The following RBM19 variants were observed in gnomAD, a reference collection of about 807,000 sequenced individuals.
RBM19 encodes RNA binding motif protein 19.
In RBM19, 94 loss-of-function variants were observed where a neutral mutation model predicts 116.8. The ratio of observed to expected loss-of-function variants is 0.80; its 90% CI spans 0.68 to 0.95. The LOEUF is 0.95. RBM19 is among the 40% of genes least tolerant of loss of function. RBM19 has a pLI of 0.00. For missense variants in RBM19, 1,161 were observed against 1,220.7 expected (o/e 0.95, Z 0.73); for synonymous variants, 475 against 494.1 (o/e 0.96, Z 0.51).
At chr12:113,952,664 A>C in intron 7 of RBM19, 74 bp from the exon 8 acceptor site, 1 of 1,202,012 alleles carries the variant, frequency 8.3e-7, no homozygotes, top group Non-Finnish European at 1.2e-6. Flanking sequence ...CATGGGGCAA[A>C]TTTCTAAATC....
chr12:113,945,801 A>C, intron 13 of RBM19, 27 bp downstream of exon 13: 3 of 1,512,618 alleles, frequency 2.0e-6, no homozygotes, highest in Non-Finnish European at 2.8e-6. Flanking sequence ...CCCAGATCCC[A>C]GAGAGGACTG....
chr12:113,945,775 C>T, intron 13 of RBM19, 53 bp downstream of exon 13: 2 of 1,432,760 alleles, frequency 1.4e-6, no homozygotes, highest in Non-Finnish European at 1.9e-6. Context: ...CCTGCTCTTT[C>T]TCCCCTTCAG....
chr12:113,860,914 C>G (rs1312099577), intron 21 of RBM19, among the ~76,000 whole-genome samples: 1 of 152,174 alleles, frequency 6.6e-6, no homozygotes, highest in Non-Finnish European at 1.5e-5. Context: ...AATAAACAAG[C>G]AAATGGTAGC....
At position 113,861,513 on chromosome 12, in the gene RBM19, T is replaced by TGTGTGTGTGTGTGA. The variant is rs1320114571; in HGVS notation, c.2559-2618_2559-2617insTCACACACACACAC. ...GTGTGTGTGTGTGTGTGTGTGTGTG[T>TGTGTGTGTGTGTGA]GAAGGAGAGAAGGGGTCGGGGGGTG... On this transcript the variant is annotated intron_variant, in intron 21 of 23. Coordinates refer to ENST00000261741, the MANE Select transcript of RBM19 (RefSeq NM_016196.4). 2.8e-4 allele frequency among the ~76,000 whole-genome samples: 40 copies of TGTGTGTGTGTGTGA among 143,876 alleles called. 1 individual carries two copies. The East Asian group carries it at 6.6e-3, about 24-fold the overall frequency. 94.4% of individuals were successfully genotyped at this position (143,876 alleles called of 152,430 possible). A position where few individuals can be genotyped will look rare whatever the true frequency, so the allele number is the denominator to read the frequency against.
At position 113,898,172 on chromosome 12, in the gene RBM19, C is replaced by A. The variant is rs1471022593; in HGVS notation, c.2558+16797G>T. On this transcript the variant is annotated intron_variant, in intron 21 of 23. Transcript: ENST00000261741. The surrounding 1 kb of genome is among the most constrained non-coding windows in gnomAD (Gnocchi z 4.3). ...CTGCTGCCTCTCGGATACATTTGGGCATATATACCTGTGCATGTGTGTTGA... is the reference window on the plus strand; with the variant it reads ...CTGCTGCCTCTCGGATACATTTGGGAATATATACCTGTGCATGTGTGTTGA... Among the ~76,000 whole-genome samples, 2 of 150,106 alleles carry A rather than the reference C, an allele frequency of 1.3e-5. No homozygotes were observed. Among genetic ancestry groups the A allele is most frequent in the Non-Finnish European group, 1.5e-5 (1 of 67,634 alleles).
intron 1 of RBM19, among the ~76,000 whole-genome samples, chr12:113,962,877 G>T (rs1030539863): frequency 1.3e-5 from 2 of 152,190 alleles, no homozygotes; most frequent in African/African-American, 2.4e-5. Flanking sequence ...AGGCAAAAGG[G>T]ACTTGTCAGG....
At chr12:113,875,617 A>G (rs1014953296) in intron 21 of RBM19, among the ~76,000 whole-genome samples, 9 of 152,194 alleles carry the variant, frequency 5.9e-5, no homozygotes, top group Non-Finnish European at 1.3e-4. Flanking sequence ...TTTTCTTAAT[A>G]AGAAACCCAG....
At chr12:113,900,341 C>G (rs1014202960) in intron 21 of RBM19, among the ~76,000 whole-genome samples, 1 of 152,184 alleles carries the variant, frequency 6.6e-6, no homozygotes, top group South Asian at 2.1e-4. Context: ...TAGTCAAGTA[C>G]GTGCAGCTGT....
intron 6 of RBM19, among the ~76,000 whole-genome samples, chr12:113,956,020 G>C (rs921164286): frequency 6.6e-6 from 1 of 152,270 alleles, no homozygotes; most frequent in African/African-American, 2.4e-5. Flanking sequence ...GCTACCATGA[G>C]TGCCTTTTTG....
At chr12:113,930,513 A>G (rs1869510624) in intron 16 of RBM19, among the ~76,000 whole-genome samples, 1 of 152,222 alleles carries the variant, frequency 6.6e-6, no homozygotes, top group Non-Finnish European at 1.5e-5. Context: ...CAGCCCAGGA[A>G]GAACAAGAGG....
intron 23 of RBM19, among the ~76,000 whole-genome samples, chr12:113,832,437 A>G (rs1875508406): frequency 6.6e-6 from 1 of 151,872 alleles, no homozygotes; most frequent in South Asian, 2.1e-4. Flanking sequence ...TGATCCACCC[A>G]CCTTGGCCTC....
intron 23 of RBM19, among the ~76,000 whole-genome samples, chr12:113,833,447 T>G (rs1875610743): frequency 6.6e-6 from 1 of 152,216 alleles, no homozygotes; most frequent in Non-Finnish European, 1.5e-5. Context: ...CTTCAAATCT[T>G]CTGGGAGCTT....
chr12:113,908,573 C>CAAAAAAAAAAAAAAAAA (rs11338829), intron 21 of RBM19, among the ~76,000 whole-genome samples: 15 of 33,224 alleles, frequency 4.5e-4, no homozygotes, highest in Non-Finnish European at 7.5e-4. Context: ...AAGAAAATAG[C>CAAAAAAAAAAAAAAAAA]AAAAAAAAAA....
In RBM19 at chr12:113,858,799, C is replaced by G. The variant is rs763813487; in HGVS notation, c.2656G>C (p.Asp886His). The G allele has an allele frequency of 2.2e-5, 36 of 1,613,862 alleles. No homozygotes were observed. Among genetic ancestry groups the G allele is most frequent in the Non-Finnish European group, 3.1e-5 (36 of 1,179,928 alleles). The change falls in exon 22 of 24, where the codon GAT (aspartate) becomes CAT (histidine). Residue 886 changes from aspartate (D) to histidine (H), a missense_variant. Physicochemically the swap from Asp to His is moderately conservative, Grantham distance 81 (BLOSUM62 -1). Transcript: ENST00000261741. ...FGFVDFLTKQDAKRAFNALCH... is the reference protein window; with the variant it reads ...FGFVDFLTKQHAKRAFNALCH... ...GGGATTCACGGTCTCACCTTCGCAT[C>G]CTGCTTGGTGAGGAAGTCCACAAAG...
At position 113,957,337 on chromosome 12, in the gene RBM19, A is replaced by C. The variant is rs189662918; in HGVS notation, c.840+445T>G. 2.6e-3 allele frequency among the ~76,000 whole-genome samples: 400 copies of C among 152,294 alleles called. 2 individuals are homozygous for C. The highest frequency in any genetic ancestry group is 0.014 in the Middle Eastern group (4 of 294). On this transcript the variant is annotated intron_variant, in intron 6 of 23. Transcript: ENST00000261741. ...ATGCCTATAATCCCAGCACTTTGGG[A>C]GGCTGAGATGAGTGGATCACTTGAG...
At chr12:113,890,707 G>A (rs1347184816) in intron 21 of RBM19, among the ~76,000 whole-genome samples, 3 of 152,350 alleles carry the variant, frequency 2.0e-5, no homozygotes, top group Admixed American at 1.3e-4. Context: ...AGGCAGGGGT[G>A]TCCCACAGAA....
chr12:113,937,232 G>C, intron 15 of RBM19, 96 bp from the exon 16 acceptor site: 1 of 1,453,262 alleles, frequency 6.9e-7, no homozygotes. Flanking sequence ...AAGGGTCACA[G>C]AGGATGGGCA....
intron 21 of RBM19, among the ~76,000 whole-genome samples, chr12:113,865,977 A>G (rs773748616): frequency 6.6e-6 from 1 of 152,152 alleles, no homozygotes; most frequent in Non-Finnish European, 1.5e-5. Flanking sequence ...AGACACAAAT[A>G]AGGAGTTTCA....
chr12:113,922,146 C>T (rs1282449572), intron 18 of RBM19, among the ~76,000 whole-genome samples: 3 of 152,162 alleles, frequency 2.0e-5, no homozygotes, highest in East Asian at 1.9e-4. Context: ...TCTGGTCACA[C>T]GTTTTCCTTT....
Sources: allele counts gnomAD v4.1 joint callset (sites outside exome capture counted in the v4.1 genomes callset), GRCh38; gene constraint gnomAD v4.1.1; non-coding constraint Gnocchi (gnomAD v3.1); transcripts MANE v1.5; gene names NCBI Gene and HGNC (gene_info 2026-07-23, HGNC 2026-07-21).